Variants in ZNF613 observed in about 807,000 individuals in gnomAD.
ZNF613 encodes the protein zinc finger protein 613.
ZNF613 carries 8 observed loss-of-function variants against 14.3 expected under a neutral mutation model. The ratio of observed to expected loss-of-function variants is 0.56; its 90% confidence interval spans 0.33 to 1.01. ZNF613 has a LOEUF of 1.01. ZNF613 is among the 50% of genes least tolerant of loss of function. ZNF613 has a pLI of 0.03. For synonymous variants in ZNF613, 228 were observed against 254.5 expected, an observed-to-expected ratio of 0.90 and a Z score of 0.99; for missense variants, 656 against 741.9, an observed-to-expected ratio of 0.88 and a Z score of 1.35.
At chr19:51,943,569 G>A (rs2085367161) in intron 5 of ZNF613, among the ~76,000 whole-genome samples, 1 of 152,278 alleles carries the variant, frequency 6.6e-6, no homozygotes, top group African/African-American at 2.4e-5. Flanking sequence ...GTGTGATGCT[G>A]GCCTATTGTT....
intron 1 of ZNF613, among the ~76,000 whole-genome samples, chr19:51,928,983 C>T (rs1048477406): frequency 2.0e-5 from 3 of 152,140 alleles, no homozygotes; most frequent in African/African-American, 7.2e-5. Flanking sequence ...TGTGTATACA[C>T]ACACGTAAAT....
At chr19:51,935,075 C>T (rs1340114454) in intron 2 of ZNF613, among the ~76,000 whole-genome samples, 1 of 152,098 alleles carries the variant, frequency 6.6e-6, no homozygotes, top group Non-Finnish European at 1.5e-5. Context: ...AATGATTCCA[C>T]CCAGGTGGAA....
At chr19:51,944,030 TGGTCA>T in intron 5 of ZNF613, 84 bp from the exon 6 acceptor site, 1 of 1,031,268 alleles carries the variant, frequency 9.7e-7, no homozygotes, top group Non-Finnish European at 1.3e-6. Context: ...GGAAATAGTG[TGGTCA>T]GTAGAGCCAG....
At position 51,944,842 on chromosome 19, in the gene ZNF613, T is replaced by C. The variant is rs766304558; in HGVS notation, c.959T>C (p.Leu320Pro). The C allele has an allele frequency of 6.2e-7, 1 of 1,611,476 alleles. No homozygotes were observed. The highest frequency in any genetic ancestry group is 1.1e-5 in the South Asian group (1 of 90,958). Residue 320 changes from leucine (L) to proline (P), a missense_variant, in exon 6 of 6, where the codon CTG becomes CCG. By Grantham distance (98) the Leu-to-Pro change is moderately conservative (BLOSUM62 -3). Coordinates refer to ENST00000293471, the MANE Select transcript of ZNF613 (RefSeq NM_001031721.4). ...HTGEKPHGCS[L>P]CGKAFSKRSR... The stretch of plus-strand genomic sequence containing the variant: ...GGAGAGAAACCACATGGATGCAGCC[T>C]GTGTGGGAAGGCCTTCTCCAAAAGG...
In ZNF613 at chr19:51,944,711, T is replaced by A; in HGVS notation, c.828T>A (p.Asn276Lys). The stretch of plus-strand genomic sequence containing the variant: ...CATTCCGCTGGAAATCACAGCTCAA[T>A]GCACACCAGAAAATTCATACAGGAG... ...DKAFRWKSQL[N>K]AHQKIHTGEK... The change falls in exon 6 of 6, where the codon AAT (asparagine) becomes AAA (lysine). Residue 276 changes from asparagine (N) to lysine (K), a missense_variant. Transcript: ENST00000293471. 6.2e-7 allele frequency: 1 copy of A among 1,613,462 alleles called. No individual in the cohort carries two copies. The highest frequency in any genetic ancestry group is 8.5e-7 in the Non-Finnish European group (1 of 1,179,876).
At chr19:51,930,335 C>T (rs1214520493) in intron 2 of ZNF613, among the ~76,000 whole-genome samples, 1 of 151,860 alleles carries the variant, frequency 6.6e-6, no homozygotes, top group Non-Finnish European at 1.5e-5. Flanking sequence ...GATCTCAGCT[C>T]ACTGCAACCA....
chr19:51,928,972 G>T (rs1337463559), intron 1 of ZNF613, among the ~76,000 whole-genome samples: 1 of 152,072 alleles, frequency 6.6e-6, no homozygotes, highest in African/African-American at 2.4e-5. Flanking sequence ...CTGTGTGAAT[G>T]TGTGTATACA....
Position 51,944,507 on chromosome 19 carries a change from G to A in ZNF613, c.624G>A (p.Glu208=), listed in dbSNP as rs1297086872. 1 of 1,612,060 alleles carries A rather than the reference G, an allele frequency of 6.2e-7. No homozygotes were observed. Among genetic ancestry groups the A allele is most frequent in the African/African-American group, 1.3e-5 (1 of 74,902 alleles). The change falls in exon 6 of 6, where the codon GAG becomes GAA. Residue 208 remains glutamate, a synonymous_variant. Transcript: ENST00000293471. ...QNIDKPHVCT[E]CGKAFLKKSR... ...TAGATAAACCCCATGTATGCACTGAGTGTGGGAAGGCTTTCCTCAAGAAGT... is the reference window on the plus strand; with the variant it reads ...TAGATAAACCCCATGTATGCACTGAATGTGGGAAGGCTTTCCTCAAGAAGT...
chr19:51,945,752 C>A lies in ZNF613; in HGVS notation c.*15C>A, dbSNP rs1437726336. On this transcript the variant is annotated 3_prime_UTR_variant, in exon 6 of 6. Transcript: ENST00000293471. ...GCACAGAATAAAAACCATATGAATG[C>A]AGTGAATGTGGTAGTGCTTTCAGTG... The A allele has an allele frequency of 6.2e-7, 1 of 1,612,872 alleles. No individual in the cohort carries two copies. The highest frequency in any genetic ancestry group is 1.3e-5 in the African/African-American group (1 of 75,000).
intron 4 of ZNF613, 43 bp downstream of exon 4, chr19:51,940,378 A>G (rs2085338529): frequency 1.9e-6 from 3 of 1,612,718 alleles, no homozygotes; most frequent in Non-Finnish European, 2.5e-6. Flanking sequence ...TACCCAGTCA[A>G]AGGCCTTTGC....
Position 51,945,188 on chromosome 19 carries a change from A to G in ZNF613, c.1305A>G (p.Lys435=). 2 of 1,614,234 alleles carry G rather than the reference A, an allele frequency of 1.2e-6. No homozygotes were observed. Among genetic ancestry groups the G allele is most frequent in the Non-Finnish European group, 8.5e-7 (1 of 1,180,036 alleles). ...EKPYVCNECG[K]GFSQKTCLIS... is the part of the protein sequence containing the mutation. ...CCTATGTATGCAATGAATGTGGGAA[A>G]GGCTTCAGCCAGAAGACATGTTTAA... Residue 435 remains lysine, a synonymous_variant, in exon 6 of 6, where the codon AAA becomes AAG. Coordinates refer to ENST00000293471, the MANE Select transcript of ZNF613 (RefSeq NM_001031721.4).
chr19:51,945,785 A>G lies in ZNF613; in HGVS notation c.*48A>G. On this transcript the variant is annotated 3_prime_UTR_variant, in exon 6 of 6. Coordinates refer to ENST00000293471, the MANE Select transcript of ZNF613 (RefSeq NM_001031721.4). The stretch of plus-strand genomic sequence containing the variant: ...GTGGTAGTGCTTTCAGTGATCAATT[A>G]CATCATATGTCACAAAAAACACAGA... 6.3e-7 allele frequency: 1 copy of G among 1,599,230 alleles called. No individual in the cohort carries two copies.
At chr19:51,938,766 A>G (rs1356727995) in intron 3 of ZNF613, among the ~76,000 whole-genome samples, 1 of 137,742 alleles carries the variant, frequency 7.3e-6, no homozygotes, top group Non-Finnish European at 1.5e-5. Flanking sequence ...AATATGCTGT[A>G]TAGGTTTATA....
chr19:51,937,525 G>A (rs1331031137), intron 3 of ZNF613, among the ~76,000 whole-genome samples: 1 of 152,094 alleles, frequency 6.6e-6, no homozygotes, highest in Non-Finnish European at 1.5e-5. Context: ...AGCATCCTGT[G>A]GGTTATAGTA....
chr19:51,938,637 T>A (rs6509599), intron 3 of ZNF613, among the ~76,000 whole-genome samples: 24,099 of 151,206 alleles, frequency 0.16, 3,258 homozygotes, highest in African/African-American at 0.37. Context: ...TGTGTAAGAT[T>A]GTGCACATTC....
At chr19:51,928,378 G>A (rs1018739812) in intron 1 of ZNF613, among the ~76,000 whole-genome samples, 1 of 152,194 alleles carries the variant, frequency 6.6e-6, no homozygotes, top group Non-Finnish European at 1.5e-5. Context: ...TGTGAAGGCT[G>A]AAGCCTTGGC....
In ZNF613 at chr19:51,946,537, T is replaced by C. The variant is rs2085402658; in HGVS notation, c.*800T>C. 1 of 152,208 alleles carries C rather than the reference T, an allele frequency of 6.6e-6. No homozygotes were observed. Among genetic ancestry groups the C allele is most frequent in the Admixed American group, 6.5e-5 (1 of 15,286 alleles). 9.4% of individuals were successfully genotyped at this position (152,208 alleles called of 1,614,324 possible). ...CTTCAAAAGGAAAAATGTATTTAAT[T>C]TAATAATGTAACACAACAAGTTTGG... On this transcript the variant is annotated 3_prime_UTR_variant, in exon 6 of 6. Transcript: ENST00000293471.
At position 51,945,543 on chromosome 19, in the gene ZNF613, C is replaced by A; in HGVS notation, c.1660C>A (p.His554Asn). The change falls in exon 6 of 6, where the codon CAT becomes AAT. Residue 554 changes from histidine (H) to asparagine (N), a missense_variant. Transcript: ENST00000293471. ...ATTGGAAAATCCTTGCTCAGAGAGTCATAGCTTATCACATACACGTGATCT... is the reference window on the plus strand; with the variant it reads ...ATTGGAAAATCCTTGCTCAGAGAGTAATAGCTTATCACATACACGTGATCT... ...VKLENPCSES[H>N]SLSHTRDLIQ... 1 of 1,614,124 alleles carries A rather than the reference C, an allele frequency of 6.2e-7. No individual in the cohort carries two copies. Among genetic ancestry groups the A allele is most frequent in the South Asian group, 1.1e-5 (1 of 91,060 alleles).
chr19:51,940,415 G>A (rs2085338945), intron 4 of ZNF613, 80 bp downstream of exon 4: 2 of 1,607,404 alleles, frequency 1.2e-6, no homozygotes, highest in East Asian at 2.2e-5. Context: ...AGCTCTGGAG[G>A]GCCTGTGGTG....
Sources: gnomAD v4.1 joint callset for allele counts (sites outside exome capture counted in the v4.1 genomes callset) on GRCh38, gnomAD v4.1.1 for gene constraint, MANE v1.5 for transcripts, NCBI Gene and HGNC (gene_info 2026-07-23, HGNC 2026-07-21) for gene names.